FBN2: variants seen among roughly 807,000 people sequenced by gnomAD.
FBN2 encodes fibrillin 2.
Under a neutral mutation model 355.6 loss-of-function variants are expected in FBN2, and 105 were observed. That is an observed-to-expected ratio of 0.30 (90% CI 0.25 to 0.35). The LOEUF is 0.35. FBN2 is among the 10% of genes least tolerant of loss of function. The pLI is 1.00. For synonymous variants in FBN2, 1,350 were observed against 1,301.2 expected, an observed-to-expected ratio of 1.04 and a Z score of -0.81; for missense variants, 3,280 against 3,758.7, an observed-to-expected ratio of 0.87 and a Z score of 3.33.
chr5:128,516,638 G>A (rs1212961811), intron 5 of FBN2, among the ~76,000 whole-genome samples: 1 of 151,886 alleles, frequency 6.6e-6, no homozygotes, highest in East Asian at 1.9e-4. Context: ...TACATTAGGA[G>A]GAACAAATAT....
intron 2 of FBN2, 74 bp downstream of exon 2, chr5:128,536,328 G>T: frequency 8.8e-7 from 1 of 1,136,262 alleles, no homozygotes; most frequent in Non-Finnish European, 1.3e-6. Context: ...CGTCCAAATG[G>T]CTGAGTGCAA....
At position 128,345,518 on chromosome 5, in the gene FBN2, T is replaced by C. The variant is rs748632666; in HGVS notation, c.3056A>G (p.Lys1019Arg). 2.5e-6 allele frequency: 4 copies of C among 1,614,018 alleles called. No homozygotes were observed. The highest frequency in any genetic ancestry group is 3.4e-6 in the Non-Finnish European group (4 of 1,180,014). ...EDECIHPVPG[K>R]FRMDACCCAV... Reference sequence around the variant, plus strand: ...ACAGCAGCAGGCATCCATGCGGAACTTTCCAGGAACGGGGTGGATGCATTC... The same window carrying C: ...ACAGCAGCAGGCATCCATGCGGAACCTTCCAGGAACGGGGTGGATGCATTC... Residue 1019 changes from lysine to arginine, a missense_variant, in exon 24 of 65, where the codon AAG becomes AGG. Transcript: ENST00000262464.
At chr5:128,300,580 T>C (rs1749685729) in intron 48 of FBN2, among the ~76,000 whole-genome samples, 1 of 152,260 alleles carries the variant, frequency 6.6e-6, no homozygotes, top group Non-Finnish European at 1.5e-5. Flanking sequence ...AATTAGCATA[T>C]GCTGAAAATT....
At chr5:128,464,697 G>T in intron 6 of FBN2, 27 bp downstream of exon 6, 1 of 1,609,040 alleles carries the variant, frequency 6.2e-7, no homozygotes. Flanking sequence ...GTCTGCGATG[G>T]TGTGCACAGG....
At chr5:128,493,906 G>A (rs1755579125) in intron 5 of FBN2, among the ~76,000 whole-genome samples, 1 of 152,146 alleles carries the variant, frequency 6.6e-6, no homozygotes, top group Non-Finnish European at 1.5e-5. Context: ...GGATAACTGG[G>A]TAAATGCTAA....
At chr5:128,331,184 A>G (rs1274231071) in intron 32 of FBN2, among the ~76,000 whole-genome samples, 1 of 152,218 alleles carries the variant, frequency 6.6e-6, no homozygotes, top group Non-Finnish European at 1.5e-5. Context: ...AAATCTTGCT[A>G]TATGTGCCAT....
At chr5:128,369,424 T>C in intron 15 of FBN2, 90 bp from the exon 16 acceptor site, 1 of 1,177,232 alleles carries the variant, frequency 8.5e-7, no homozygotes, top group Non-Finnish European at 1.2e-6. Flanking sequence ...AAGTGGCCAC[T>C]AGACTGGAAG....
intron 7 of FBN2, among the ~76,000 whole-genome samples, chr5:128,444,139 C>T (rs1754002263): frequency 1.5e-5 from 2 of 130,018 alleles, no homozygotes; most frequent in South Asian, 5.1e-4. Flanking sequence ...GTGGCGCGAT[C>T]TCGGCTCACT....
At chr5:128,511,621 T>A (rs1227516184) in intron 5 of FBN2, among the ~76,000 whole-genome samples, 1 of 152,188 alleles carries the variant, frequency 6.6e-6, no homozygotes. Flanking sequence ...TTAAGAGGCC[T>A]ACAGCCAAGC....
intron 8 of FBN2, among the ~76,000 whole-genome samples, chr5:128,401,420 T>C (rs1752795419): frequency 6.6e-6 from 1 of 152,228 alleles, no homozygotes; most frequent in Admixed American, 6.5e-5. Flanking sequence ...CTCTCACGAA[T>C]ATTAAATTAT....
chr5:128,336,736 T>A (rs561706557), intron 27 of FBN2, among the ~76,000 whole-genome samples: 3 of 152,294 alleles, frequency 2.0e-5, no homozygotes, highest in Admixed American at 1.3e-4. Flanking sequence ...CTAACCCCTA[T>A]AATATGGGCA....
At chr5:128,374,538 G>T in intron 15 of FBN2, 90 bp downstream of exon 15, 1 of 1,535,272 alleles carries the variant, frequency 6.5e-7, no homozygotes, top group Non-Finnish European at 9.0e-7. Flanking sequence ...TCTTCTTATG[G>T]TGAATATTAC....
intron 6 of FBN2, among the ~76,000 whole-genome samples, chr5:128,451,469 G>A (rs780423339): frequency 5.3e-5 from 8 of 151,898 alleles, no homozygotes; most frequent in East Asian, 1.9e-4. Context: ...GTGCGATCTC[G>A]GCTCCCTGCA....
At chr5:128,272,374 T>A (rs1456281268) in intron 61 of FBN2, among the ~76,000 whole-genome samples, 1 of 151,596 alleles carries the variant, frequency 6.6e-6, no homozygotes, top group Non-Finnish European at 1.5e-5. Context: ...CTAAATAACA[T>A]CTCAATTTCA....
intron 19 of FBN2, 61 bp downstream of exon 19, chr5:128,361,662 G>A: frequency 1.3e-6 from 2 of 1,572,526 alleles, no homozygotes; most frequent in South Asian, 2.2e-5. Flanking sequence ...CACTGTAATT[G>A]ATGTTTATAC....
At chr5:128,497,772 A>C (rs545912335) in intron 5 of FBN2, among the ~76,000 whole-genome samples, 1 of 152,328 alleles carries the variant, frequency 6.6e-6, no homozygotes, top group South Asian at 2.1e-4. Flanking sequence ...AAACAGTTTT[A>C]ACTGAATGAT....
chr5:128,294,101 T>C (rs2126824956), intron 48 of FBN2, among the ~76,000 whole-genome samples: 1 of 152,170 alleles, frequency 6.6e-6, no homozygotes, highest in African/African-American at 2.4e-5. Context: ...GGTTTTTTGT[T>C]CTTGCGATAG....
chr5:128,365,053 G>C (rs955307828), intron 17 of FBN2: 1 of 253,636 alleles, frequency 3.9e-6, no homozygotes, highest in Non-Finnish European at 7.6e-6. Flanking sequence ...AGGAAAACTC[G>C]AGTTGATAGA....
intron 15 of FBN2, 42 bp from the exon 16 acceptor site, chr5:128,369,376 G>C (rs1445679744): frequency 6.2e-7 from 1 of 1,608,866 alleles, no homozygotes; most frequent in African/African-American, 1.3e-5. Flanking sequence ...CAGTGATAGA[G>C]ACAAAGAGAT....
Sources: allele counts gnomAD v4.1 joint callset (sites outside exome capture counted in the v4.1 genomes callset), GRCh38; gene constraint gnomAD v4.1.1; transcripts MANE v1.5; gene names NCBI Gene and HGNC (gene_info 2026-07-23, HGNC 2026-07-21).